TREH: variants seen among roughly 807,000 people sequenced by gnomAD.
TREH encodes the protein alpha,alpha-trehalose glucohydrolase.
In TREH, 69 loss-of-function variants were observed where a neutral mutation model predicts 80.5. That is an observed-to-expected ratio of 0.86 (90% confidence interval 0.71 to 1.05). The LOEUF (loss-of-function observed/expected upper bound fraction) is 1.05, where lower values mean the gene tolerates loss of function less well. Ranked by LOEUF, TREH falls within the 50% of genes least tolerant of loss-of-function variation. The pLI is 0.00. For synonymous variants in TREH, 309 were observed against 293.5 expected, an observed-to-expected ratio of 1.05 and a Z score of -0.54; for missense variants, 716 against 718.8, an observed-to-expected ratio of 1.00 and a Z score of 0.04.
At chr11:118,667,671 A>G (rs977946646) in intron 1 of TREH, among the ~76,000 whole-genome samples, 1 of 152,204 alleles carries the variant, frequency 6.6e-6, no homozygotes, top group Non-Finnish European at 1.5e-5. Flanking sequence ...ACTATGGGGA[A>G]CTCACAAATT....
Position 118,674,459 on chromosome 11 carries a change from T to C in TREH, c.89+5080A>G, listed in dbSNP as rs1321152039. On this transcript the variant is annotated intron_variant, in intron 1 of 14. Coordinates refer to ENST00000264029, the MANE Select transcript of TREH (RefSeq NM_007180.3). The surrounding 1 kb of genome is among the most constrained non-coding windows in gnomAD (Gnocchi z 4.4). ...GGAAATATTTCCTGGTCAGATACAA[T>C]ATCCATCCCTGTAATACATTCAGGT... is the stretch of plus-strand genomic sequence containing the variant. Among the ~76,000 whole-genome samples the C allele has an allele frequency of 6.6e-6, 1 of 152,240 alleles. No homozygotes were observed. The highest frequency in any genetic ancestry group is 2.1e-4 in the South Asian group (1 of 4,830).
In TREH at chr11:118,661,908, A is replaced by G. The variant is rs1159442829; in HGVS notation, c.506T>C (p.Phe169Ser). Residue 169 changes from phenylalanine (F) to serine (S), a missense_variant, in exon 5 of 15, where the codon TTT becomes TCT. Physicochemically the swap from Phe to Ser is radical, Grantham distance 155. Transcript: ENST00000264029. This position sits in a 1 kb window ranked among gnomAD's most constrained non-coding sequence, Gnocchi z 4.2. ...EHPFIVPGGR[F>S]VEFYYWDSYW... ...CGCTCACCAGTAGTAGAACTCAACA[A>G]AGCGACCGCCAGGCACAATGAAGGG... is the stretch of plus-strand genomic sequence containing the variant. 1.3e-6 allele frequency: 2 copies of G among 1,556,264 alleles called. No individual in the cohort carries two copies. The highest frequency in any genetic ancestry group is 1.7e-6 in the Non-Finnish European group (2 of 1,149,750).
chr11:118,658,058 G>A lies in TREH; in HGVS notation c.*231C>T, dbSNP rs1350797384. The A allele has an allele frequency of 2.4e-5, 14 of 577,606 alleles. No homozygotes were observed. Among genetic ancestry groups the A allele is most frequent in the South Asian group, 1.5e-4 (6 of 39,526 alleles). The allele number at this position is 577,606 out of a possible 1,614,324, so 35.8% of individuals were successfully genotyped here. A position where few individuals can be genotyped will look rare whatever the true frequency, so the allele number is the denominator to read the frequency against. ...GTGGAAGGCCGGTGTGGGGCTTGGCGCTGAGGCACTTGGGGATAGGTCTTC... is the reference window on the plus strand; with the variant it reads ...GTGGAAGGCCGGTGTGGGGCTTGGCACTGAGGCACTTGGGGATAGGTCTTC... On this transcript the variant is annotated 3_prime_UTR_variant, in exon 15 of 15. Transcript: ENST00000264029.
At position 118,658,729 on chromosome 11, in the gene TREH, T is replaced by A; in HGVS notation, c.1550A>T (p.Asp517Val). Residue 517 changes from aspartate (D) to valine (V), a missense_variant, in exon 14 of 15, where the codon GAC (aspartate) becomes GTC (valine). By Grantham distance (152) the Asp-to-Val change is radical. Transcript: ENST00000264029. ...ACCGGGCTGTCCACCGTTGCTGACG[T>A]CATACTGGGGACAAGCGGGTGGGCT... ...SQKSAMYEKY[D>V]VSNGGQPGGG... The A allele has an allele frequency of 6.2e-7, 1 of 1,607,168 alleles. No homozygotes were observed. The highest frequency in any genetic ancestry group is 1.7e-5 in the Admixed American group (1 of 58,636).
Position 118,659,399 on chromosome 11 carries a change from C to T in TREH, c.1403G>A (p.Trp468Ter). The T allele has an allele frequency of 6.3e-7, 1 of 1,599,980 alleles. No individual in the cohort carries two copies. Among genetic ancestry groups the T allele is most frequent in the Non-Finnish European group, 8.5e-7 (1 of 1,172,566 alleles). Residue 468 changes from tryptophan to a stop codon, truncating the protein, a stop_gained, in exon 12 of 15, where the codon TGG (tryptophan) becomes TAG (stop). Coordinates refer to ENST00000264029, the MANE Select transcript of TREH (RefSeq NM_007180.3). LOFTEE classifies it high-confidence loss of function. ...TGQQWDFPNAWAPLQDLVIRG... is the reference protein window; with the variant it reads ...TGQQWDFPNA ...GATGACCAGGTCCTGCAGGGGGGCCCAGGCATTGGGGAAATCCCACTGCTG... is the reference window on the plus strand; with the variant it reads ...GATGACCAGGTCCTGCAGGGGGGCCTAGGCATTGGGGAAATCCCACTGCTG...
At chr11:118,658,566 G>A in intron 14 of TREH, 114 bp downstream of exon 14, 3 of 1,516,592 alleles carry the variant, frequency 2.0e-6, no homozygotes, top group South Asian at 1.3e-5. Context: ...GCACCAGTCA[G>A]CTCCTCCCCC....
At position 118,659,364 on chromosome 11, in the gene TREH, C is replaced by A; in HGVS notation, c.1432+6G>T. On this transcript the variant is annotated splice_donor_region_variant and intron_variant, in intron 12 of 14. Transcript: ENST00000264029. Reference sequence around the variant, plus strand: ...GTCCTTGGCTGTGTCAGCCCTGCCTCCCTACCTCTGATGACCAGGTCCTGC... The same window carrying A: ...GTCCTTGGCTGTGTCAGCCCTGCCTACCTACCTCTGATGACCAGGTCCTGC... 6.4e-7 allele frequency: 1 copy of A among 1,555,708 alleles called. No individual in the cohort carries two copies.
At chr11:118,658,643 TC>T (rs1555144026) in intron 14 of TREH, 36 bp downstream of exon 14, 1 of 1,560,582 alleles carries the variant, frequency 6.4e-7, no homozygotes, top group Non-Finnish European at 8.7e-7. Flanking sequence ...GTTCAGGAGT[TC>T]CCTGGTGTTG....
chr11:118,672,182 T>C (rs1949435555), intron 1 of TREH, among the ~76,000 whole-genome samples: 1 of 151,910 alleles, frequency 6.6e-6, no homozygotes, highest in Non-Finnish European at 1.5e-5. Flanking sequence ...GGATGATCAC[T>C]TGAGGAGTTC....
chr11:118,660,672 A>C lies in TREH; in HGVS notation c.969T>G (p.Ser323=), dbSNP rs535710187. 2.5e-6 allele frequency: 4 copies of C among 1,604,444 alleles called. No homozygotes were observed. The African/African-American group carries it at 5.3e-5, about 21-fold the overall frequency. The part of the protein sequence containing the change: ...KAGAESGWDF[S]SRWLIGGPNP... Reference sequence around the variant, plus strand: ...TTGGGCCTCCAATGAGCCAGCGTGAAGAGAAGTCCCAGCCAGACTCAGCCC... The same window carrying C: ...TTGGGCCTCCAATGAGCCAGCGTGACGAGAAGTCCCAGCCAGACTCAGCCC... The change falls in exon 10 of 15, where the codon TCT becomes TCG. Residue 323 remains serine, a synonymous_variant. Coordinates refer to ENST00000264029, the MANE Select transcript of TREH (RefSeq NM_007180.3).
intron 1 of TREH, among the ~76,000 whole-genome samples, chr11:118,664,856 C>A (rs1293984656): frequency 2.6e-5 from 4 of 152,126 alleles, no homozygotes; most frequent in Non-Finnish European, 5.9e-5. Context: ...TGCCTGTAAT[C>A]CCAGCACTTT....
In TREH at chr11:118,658,335, G is replaced by T; in HGVS notation, c.1706C>A (p.Ala569Glu). The T allele has an allele frequency of 6.3e-7, 1 of 1,594,932 alleles. No homozygotes were observed. The highest frequency in any genetic ancestry group is 8.5e-7 in the Non-Finnish European group (1 of 1,171,672). Residue 569 changes from alanine to glutamate, a missense_variant, in exon 15 of 15, where the codon GCG becomes GAG. Coordinates refer to ENST00000264029, the MANE Select transcript of TREH (RefSeq NM_007180.3). ...CAGGAGGCTGGGCAGAAGGGTGGCC[G>T]CCAGGCAGTGGGGCTCCAGGAAAGC... ...KLAFLEPHCL[A>E]ATLLPSLLLS... is the part of the protein sequence containing the mutation.
chr11:118,668,945 C>T (rs1470897767), intron 1 of TREH, among the ~76,000 whole-genome samples: 1 of 151,852 alleles, frequency 6.6e-6, no homozygotes. Flanking sequence ...ATAAGGAGCT[C>T]ATAAAACTCT....
intron 1 of TREH, among the ~76,000 whole-genome samples, chr11:118,670,095 A>T (rs1050579865): frequency 6.6e-6 from 1 of 152,204 alleles, no homozygotes; most frequent in Non-Finnish European, 1.5e-5. Flanking sequence ...CTTTTTATTT[A>T]AAAAAAGAAA....
At position 118,658,712 on chromosome 11, in the gene TREH, G is replaced by A. The variant is rs782178211; in HGVS notation, c.1567C>T (p.Gln523Ter). The A allele has an allele frequency of 6.2e-7, 1 of 1,604,208 alleles. No individual in the cohort carries two copies. The highest frequency in any genetic ancestry group is 8.5e-7 in the Non-Finnish European group (1 of 1,175,238). The change falls in exon 14 of 15, where the codon CAG (glutamine) becomes TAG (stop). Residue 523 changes from glutamine (Q) to a stop codon, truncating the protein, a stop_gained. Transcript: ENST00000264029. LOFTEE classifies it high-confidence loss of function. ...TCATATTCTCCTCCCCCACCGGGCTGTCCACCGTTGCTGACGTCATACTGG... is the reference window on the plus strand; with the variant it reads ...TCATATTCTCCTCCCCCACCGGGCTATCCACCGTTGCTGACGTCATACTGG... ...YEKYDVSNGG[Q>*]PGGGGEYEVQ...
In TREH at chr11:118,660,917, TG is replaced by T; in HGVS notation, c.858-3del. ...ACATCTTTGCTGTAGGACTCAGGCCTGGCAAAGAGGAGAGGTGGGCAGCCTG... is the reference window on the plus strand; with the variant it reads ...ACATCTTTGCTGTAGGACTCAGGCCTGCAAAGAGGAGAGGTGGGCAGCCTG... On this transcript the variant is annotated splice_region_variant and splice_polypyrimidine_tract_variant and intron_variant, in intron 8 of 14. Coordinates refer to ENST00000264029, the MANE Select transcript of TREH (RefSeq NM_007180.3). The T allele has an allele frequency of 6.4e-7, 1 of 1,570,200 alleles. No individual in the cohort carries two copies. The highest frequency in any genetic ancestry group is 8.6e-7 in the Non-Finnish European group (1 of 1,156,964).
chr11:118,666,225 T>A, intron 1 of TREH, among the ~76,000 whole-genome samples: 1 of 149,522 alleles, frequency 6.7e-6, no homozygotes, highest in African/African-American at 2.5e-5. Flanking sequence ...GGAGTAAAAC[T>A]CCATCTCAAA....
At chr11:118,675,768 A>G (rs1053621236) in intron 1 of TREH, among the ~76,000 whole-genome samples, 7 of 143,092 alleles carry the variant, frequency 4.9e-5, no homozygotes, top group Non-Finnish European at 1.1e-4. Context: ...CAGTGGTGCA[A>G]TCTCAACTCA....
chr11:118,670,264 C>T (rs1187204061), intron 1 of TREH, among the ~76,000 whole-genome samples: 1 of 152,054 alleles, frequency 6.6e-6, no homozygotes, highest in Admixed American at 6.6e-5. Context: ...AGAGCCTCAC[C>T]ATGAATACCA....
Sources: gnomAD v4.1 joint callset for allele counts (sites outside exome capture counted in the v4.1 genomes callset) on GRCh38, gnomAD v4.1.1 for gene constraint, Gnocchi (gnomAD v3.1) non-coding constraint, MANE v1.5 for transcripts, NCBI Gene and HGNC (gene_info 2026-07-23, HGNC 2026-07-21) for gene names.